KCNMA1: variants seen among roughly 807,000 people sequenced by gnomAD.
KCNMA1 encodes the protein Calcium-activated potassium channel subunit alpha-1.
A neutral mutation model predicts 140.0 loss-of-function variants in KCNMA1; 29 were observed. That is an observed-to-expected ratio of 0.21 (90% CI 0.15 to 0.28). KCNMA1 has a LOEUF of 0.28. Ranked by LOEUF, KCNMA1 falls within the 10% of genes least tolerant of loss-of-function variation. The pLI is 1.00. For synonymous variants in KCNMA1, 612 were observed against 611.9 expected, an observed-to-expected ratio of 1.00 and a Z score of 0.00; for missense variants, 880 against 1,602.2, an observed-to-expected ratio of 0.55 and a Z score of 7.70.
At chr10:77,031,449 T>C (rs980982048) in intron 15 of KCNMA1, among the ~76,000 whole-genome samples, 4 of 152,238 alleles carry the variant, frequency 2.6e-5, no homozygotes, top group Admixed American at 6.5e-5. Flanking sequence ...CATTCTTTCT[T>C]GCTAACTGCC....
chr10:77,316,359 C>A lies in KCNMA1; in HGVS notation c.541-65103G>T, dbSNP rs575901863. Among the ~76,000 whole-genome samples, 6 of 152,294 alleles carry A rather than the reference C, an allele frequency of 3.9e-5. No homozygotes were observed. The East Asian group carries it at 9.6e-4, about 24-fold the overall frequency. On this transcript the variant is annotated intron_variant, in intron 2 of 27. Coordinates refer to ENST00000286628, the MANE Select transcript of KCNMA1 (RefSeq NM_001161352.2). The stretch of plus-strand genomic sequence containing the variant: ...GTAACGATGACCTTGGAAATGTCCT[C>A]AGGTTTGGGAAGTCAGCAATTTGGT...
intron 2 of KCNMA1, among the ~76,000 whole-genome samples, chr10:77,364,883 C>G (rs2094242683): frequency 1.3e-5 from 2 of 152,172 alleles, no homozygotes; most frequent in Non-Finnish European, 2.9e-5. Context: ...TACTGGACAG[C>G]AGTTGTTGAA....
intron 2 of KCNMA1, chr10:77,350,453 T>G (rs763996374): frequency 6.6e-6 from 1 of 152,228 alleles, no homozygotes; most frequent in African/African-American, 2.4e-5. Flanking sequence ...ACTGGAACAG[T>G]TGGAGTTCAG....
At chr10:77,213,354 G>A (rs1023280335) in intron 3 of KCNMA1, among the ~76,000 whole-genome samples, 1 of 152,136 alleles carries the variant, frequency 6.6e-6, no homozygotes, top group Non-Finnish European at 1.5e-5. Flanking sequence ...AGGAATCAAA[G>A]GCAGTAGGCG....
At chr10:77,358,132 A>G (rs2093654319) in intron 2 of KCNMA1, among the ~76,000 whole-genome samples, 1 of 152,170 alleles carries the variant, frequency 6.6e-6, no homozygotes, top group Non-Finnish European at 1.5e-5. Context: ...AAGCAGGGAA[A>G]ATCAGCTGAG....
At chr10:77,222,817 T>A (rs1478110177) in intron 3 of KCNMA1, among the ~76,000 whole-genome samples, 1 of 152,232 alleles carries the variant, frequency 6.6e-6, no homozygotes, top group African/African-American at 2.4e-5. Context: ...GGCAGAGGAT[T>A]GAAGCTGATT....
chr10:76,965,188 G>C (rs1281217761), intron 20 of KCNMA1, among the ~76,000 whole-genome samples: 1 of 152,150 alleles, frequency 6.6e-6, no homozygotes, highest in African/African-American at 2.4e-5. Context: ...GGGAGAATTG[G>C]GCCACGGGTG....
At chr10:77,260,976 T>C (rs968461553) in intron 2 of KCNMA1, among the ~76,000 whole-genome samples, 6 of 152,192 alleles carry the variant, frequency 3.9e-5, no homozygotes, top group Non-Finnish European at 7.3e-5. Context: ...TTGTGTGTAT[T>C]TGTATGCACA....
chr10:76,998,521 T>C (rs1259584288), intron 19 of KCNMA1, among the ~76,000 whole-genome samples: 2 of 152,216 alleles, frequency 1.3e-5, no homozygotes, highest in African/African-American at 4.8e-5. Flanking sequence ...AAACTCATCA[T>C]GGCTCTGCTG....
chr10:77,434,003 C>T (rs946722737), intron 1 of KCNMA1, among the ~76,000 whole-genome samples: 6 of 152,178 alleles, frequency 3.9e-5, no homozygotes, highest in Non-Finnish European at 1.5e-5. Flanking sequence ...ATTTAGGAAG[C>T]TCAGTTAAAC....
At chr10:77,480,411 CCA>C (rs2154531329) in intron 1 of KCNMA1, among the ~76,000 whole-genome samples, 1 of 152,328 alleles carries the variant, frequency 6.6e-6, no homozygotes, top group East Asian at 1.9e-4. Flanking sequence ...GTGATGGACC[CCA>C]GTTATCTCTT....
intron 1 of KCNMA1, among the ~76,000 whole-genome samples, chr10:77,573,448 C>G (rs1312752536): frequency 6.6e-6 from 1 of 152,062 alleles, no homozygotes; most frequent in Admixed American, 6.6e-5. Flanking sequence ...CATTTGGCCT[C>G]AGATTTGTGA....
Position 77,027,802 on chromosome 10 carries a change from G to T in KCNMA1, c.1928+21C>A, listed in dbSNP as rs751246578. On this transcript the variant is annotated intron_variant, in intron 16 of 27. Coordinates refer to ENST00000286628, the MANE Select transcript of KCNMA1 (RefSeq NM_001161352.2). ...TCACCATCAAAAGTGTCAGCTGGCTGCTGGGTCACCGCAAACTTACCGGCT... is the reference window on the plus strand; with the variant it reads ...TCACCATCAAAAGTGTCAGCTGGCTTCTGGGTCACCGCAAACTTACCGGCT... The T allele has an allele frequency of 2.5e-6, 4 of 1,608,350 alleles. No individual in the cohort carries two copies. In the South Asian group the frequency reaches 3.3e-5, roughly 13 times the overall value.
intron 25 of KCNMA1, among the ~76,000 whole-genome samples, chr10:76,900,869 A>T (rs886206156): frequency 3.5e-5 from 5 of 144,004 alleles, no homozygotes; most frequent in Admixed American, 1.5e-4. Flanking sequence ...AATATGTATC[A>T]AGAAATTTTA....
intron 1 of KCNMA1, among the ~76,000 whole-genome samples, chr10:77,525,871 C>G (rs1331587226): frequency 2.0e-5 from 3 of 152,224 alleles, no homozygotes; most frequent in African/African-American, 7.2e-5. Context: ...CCCATTCCCT[C>G]ACCAGCTGGT....
chr10:77,228,304 G>A (rs1434085373), intron 3 of KCNMA1, among the ~76,000 whole-genome samples: 1 of 152,154 alleles, frequency 6.6e-6, no homozygotes, highest in Admixed American at 6.5e-5. Context: ...AGCCAGAGAT[G>A]AATTAGGGGG....
intron 1 of KCNMA1, among the ~76,000 whole-genome samples, chr10:77,590,515 A>T (rs1603637873): frequency 6.6e-6 from 1 of 152,192 alleles, no homozygotes; most frequent in African/African-American, 2.4e-5. Flanking sequence ...CCCACCCGGA[A>T]CTCGCGCTGG....
At chr10:77,525,496 C>G (rs2055238166) in intron 1 of KCNMA1, among the ~76,000 whole-genome samples, 1 of 152,144 alleles carries the variant, frequency 6.6e-6, no homozygotes, top group Non-Finnish European at 1.5e-5. Context: ...CAACATTTTC[C>G]CACCCTGGGT....
At chr10:77,370,918 T>C (rs897503478) in intron 2 of KCNMA1, among the ~76,000 whole-genome samples, 15 of 152,142 alleles carry the variant, frequency 9.9e-5, no homozygotes, top group Non-Finnish European at 2.1e-4. Flanking sequence ...TGATACACAG[T>C]GGGGCACTCA....
Sources: gnomAD v4.1 joint callset for allele counts (sites outside exome capture counted in the v4.1 genomes callset) on GRCh38, gnomAD v4.1.1 for gene constraint, MANE v1.5 for transcripts, NCBI Gene and HGNC (gene_info 2026-07-23, HGNC 2026-07-21) for gene names.